Variants in OTUD7A observed in about 807,000 individuals in gnomAD.
OTUD7A encodes the protein OTU deubiquitinase 7A.
A neutral mutation model predicts 65.7 loss-of-function variants in OTUD7A; 12 were observed. The observed-to-expected ratio is 0.18, with a 90% CI of 0.12 to 0.30. The LOEUF (loss-of-function observed/expected upper bound fraction) is 0.30, where lower values mean the gene tolerates loss of function less well. Ranked by LOEUF, OTUD7A falls within the 10% of genes least tolerant of loss-of-function variation. The pLI is 1.00. For missense variants in OTUD7A, 1,148 were observed against 1,304.8 expected, an observed-to-expected ratio of 0.88 and a Z score of 1.85; for synonymous variants, 641 against 586.3, an observed-to-expected ratio of 1.09 and a Z score of -1.35.
At chr15:31,769,604 C>T (rs1018442669) in intron 1 of OTUD7A, among the ~76,000 whole-genome samples, 4 of 152,140 alleles carry the variant, frequency 2.6e-5, no homozygotes, top group Non-Finnish European at 5.9e-5. Flanking sequence ...GGTGGTGCAT[C>T]CACACAATGA....
chr15:31,558,761 C>T (rs1888582223), intron 5 of OTUD7A: 1 of 608,448 alleles, frequency 1.6e-6, no homozygotes, highest in Admixed American at 2.9e-5. Context: ...TTCAGCACCA[C>T]CTAGTTATCG....
chr15:31,509,774 AT>A (rs11296487), intron 8 of OTUD7A, among the ~76,000 whole-genome samples: 51,287 of 151,524 alleles, frequency 0.34, 9,401 homozygotes, highest in African/African-American at 0.47. Flanking sequence ...TTTTGCATAA[AT>A]TTTTTTTATA....
intron 1 of OTUD7A, among the ~76,000 whole-genome samples, chr15:31,857,498 A>G (rs1305296368): frequency 6.6e-6 from 1 of 152,090 alleles, no homozygotes; most frequent in Non-Finnish European, 1.5e-5. Flanking sequence ...CACACTCGGG[A>G]AAGGAAATCA....
rs573953388 is a variant in OTUD7A, at chr15:31,621,833, G to A, written c.151+33263C>T. On this transcript the variant is annotated intron_variant, in intron 3 of 12. Transcript: ENST00000307050. ...ATGATGTTAGCTGGTTATTTTGCTC[G>A]TTAGTTGATGCAGTTTCTTCCTAGC... 3.1e-3 allele frequency among the ~76,000 whole-genome samples: 471 copies of A among 150,526 alleles called. 3 individuals carry two copies. The highest frequency in any genetic ancestry group is 0.011 in the African/African-American group (445 of 40,364).
chr15:31,526,281 T>C, intron 8 of OTUD7A, 68 bp downstream of exon 8: 3 of 1,396,198 alleles, frequency 2.1e-6, no homozygotes, highest in Admixed American at 2.2e-5. Context: ...CATCCCCCCA[T>C]GCTGTGTGTA....
intron 1 of OTUD7A, among the ~76,000 whole-genome samples, chr15:31,822,035 A>T (rs966988346): frequency 6.6e-6 from 1 of 152,140 alleles, no homozygotes; most frequent in Non-Finnish European, 1.5e-5. Context: ...ATTTACAAAT[A>T]TTTTCTCCCA....
intron 1 of OTUD7A, among the ~76,000 whole-genome samples, chr15:31,680,853 G>C (rs549766041): frequency 6.6e-6 from 1 of 151,774 alleles, no homozygotes; most frequent in Non-Finnish European, 1.5e-5. Flanking sequence ...GGGAAAGGCA[G>C]GGCTAGTTTT....
At chr15:31,754,182 T>C (rs1413187447) in intron 1 of OTUD7A, among the ~76,000 whole-genome samples, 1 of 152,212 alleles carries the variant, frequency 6.6e-6, no homozygotes, top group Non-Finnish European at 1.5e-5. Flanking sequence ...GAATTGTCTA[T>C]ACATGTCCTT....
At chr15:31,808,335 T>C (rs1362714984) in intron 1 of OTUD7A, among the ~76,000 whole-genome samples, 1 of 152,080 alleles carries the variant, frequency 6.6e-6, no homozygotes, top group Non-Finnish European at 1.5e-5. Context: ...GAAACACAAC[T>C]AAGCTTCAAA....
At chr15:31,532,102 T>A (rs920454427) in intron 5 of OTUD7A, among the ~76,000 whole-genome samples, 5 of 152,110 alleles carry the variant, frequency 3.3e-5, no homozygotes, top group Non-Finnish European at 7.4e-5. Context: ...TATAACTTAA[T>A]ACCAAATATA....
intron 3 of OTUD7A, among the ~76,000 whole-genome samples, chr15:31,618,555 C>T (rs1389912698): frequency 6.6e-6 from 1 of 152,148 alleles, no homozygotes; most frequent in Non-Finnish European, 1.5e-5. Context: ...TTTCATGTGT[C>T]TGTTGGCTGC....
intron 3 of OTUD7A, among the ~76,000 whole-genome samples, chr15:31,612,695 A>G (rs1424870861): frequency 6.6e-6 from 1 of 152,236 alleles, no homozygotes; most frequent in Non-Finnish European, 1.5e-5. Context: ...GGTAGACTCA[A>G]TATTGAGAAA....
chr15:31,475,771 G>A lies in OTUD7A; in HGVS notation c.*7523C>T, dbSNP rs2041007738. 1 of 152,096 alleles carries A rather than the reference G, an allele frequency of 6.6e-6. No homozygotes were observed. Among genetic ancestry groups the A allele is most frequent in the Non-Finnish European group, 1.5e-5 (1 of 68,020 alleles). 9.4% of individuals were successfully genotyped at this position (152,096 alleles called of 1,614,324 possible). On this transcript the variant is annotated 3_prime_UTR_variant, in exon 13 of 13. Coordinates refer to ENST00000307050, the MANE Select transcript of OTUD7A (RefSeq NM_001382637.1). The stretch of plus-strand genomic sequence containing the variant: ...GGTAGAAAGGGGTTCTGCACAACTG[G>A]GTCAAAGTAATGTGATTGACGACCT...
intron 1 of OTUD7A, among the ~76,000 whole-genome samples, chr15:31,720,827 G>C (rs1244068693): frequency 6.6e-6 from 1 of 151,164 alleles, no homozygotes; most frequent in Admixed American, 6.6e-5. Context: ...CTCACTCACT[G>C]ACTCACCCAG....
chr15:31,799,684 TG>T (rs1340144135), intron 1 of OTUD7A, among the ~76,000 whole-genome samples: 2 of 152,212 alleles, frequency 1.3e-5, no homozygotes, highest in Non-Finnish European at 2.9e-5. Flanking sequence ...GAACTGACTG[TG>T]AGAAATAAAT....
chr15:31,519,378 C>G (rs1298099132), intron 8 of OTUD7A, among the ~76,000 whole-genome samples: 2 of 152,186 alleles, frequency 1.3e-5, no homozygotes, highest in African/African-American at 4.8e-5. Flanking sequence ...GGTGTATTAT[C>G]TTTTCGATGT....
At chr15:31,528,734 C>T (rs2042048308) in intron 6 of OTUD7A, among the ~76,000 whole-genome samples, 2 of 152,254 alleles carry the variant, frequency 1.3e-5, no homozygotes, top group South Asian at 4.1e-4. Context: ...TCCAAGATGA[C>T]TGTCATTTCT....
At chr15:31,814,931 T>C (rs1896509937) in intron 1 of OTUD7A, among the ~76,000 whole-genome samples, 1 of 152,182 alleles carries the variant, frequency 6.6e-6, no homozygotes, top group African/African-American at 2.4e-5. Context: ...ACCACAGCTC[T>C]GAGTAAATAC....
Position 31,487,342 on chromosome 15 carries a change from TG to T in OTUD7A, c.1287-65del, listed in dbSNP as rs2041252217. 1.9e-6 allele frequency: 3 copies of T among 1,590,168 alleles called. No individual in the cohort carries two copies. Among genetic ancestry groups the T allele is most frequent in the African/African-American group, 2.7e-5 (2 of 74,380 alleles). On this transcript the variant is annotated intron_variant, in intron 11 of 12. Transcript: ENST00000307050. The surrounding 1 kb of genome is among the most constrained non-coding windows in gnomAD (Gnocchi z 6.0). ...TGGCCCTTATAGCACCCAGTCCACTTGCATGCCAGCTGTCCCAGGAGGAGCA... is the reference window on the plus strand; with the variant it reads ...TGGCCCTTATAGCACCCAGTCCACTTCATGCCAGCTGTCCCAGGAGGAGCA...
Sources: allele counts gnomAD v4.1 joint callset (sites outside exome capture counted in the v4.1 genomes callset), GRCh38; gene constraint gnomAD v4.1.1; non-coding constraint Gnocchi (gnomAD v3.1); transcripts MANE v1.5; gene names NCBI Gene and HGNC (gene_info 2026-07-23, HGNC 2026-07-21).